HECTD4: variants seen among roughly 807,000 people sequenced by gnomAD.
HECTD4 encodes the protein HECT domain E3 ubiquitin protein ligase 4.
Under a neutral mutation model 471.5 loss-of-function variants are expected in HECTD4, and 114 were observed. The ratio of observed to expected loss-of-function variants is 0.24; its 90% CI spans 0.21 to 0.28. The LOEUF (loss-of-function observed/expected upper bound fraction) is 0.28. Among genes scored for constraint, HECTD4 ranks in the 10% least tolerant of loss-of-function variants. HECTD4 has a pLI of 1.00. For synonymous variants in HECTD4, 2,012 were observed against 2,256.0 expected (o/e 0.89, Z 3.07); for missense variants, 3,866 against 5,651.5 (o/e 0.68, Z 10.13).
intron 52 of HECTD4, among the ~76,000 whole-genome samples, chr12:112,207,625 T>A (rs1303337190): frequency 3.4e-5 from 5 of 147,920 alleles, no homozygotes; most frequent in African/African-American, 1.3e-4. Context: ...GACCACAGAG[T>A]TTCCCAGTAT....
Position 112,172,009 on chromosome 12 carries a change from T to G in HECTD4, c.11785+662A>C, listed in dbSNP as rs531990888. 4.4e-4 allele frequency among the ~76,000 whole-genome samples: 67 copies of G among 152,344 alleles called. 1 individual carries two copies. The highest frequency in any genetic ancestry group is 3.4e-3 in the Middle Eastern group (1 of 294). ...ACCTCCACCTCCCGGGTTCAAGCGA[T>G]TCTCCTGCCTCAGCCTCCCAAGTAG... is the stretch of plus-strand genomic sequence containing the variant. On this transcript the variant is annotated intron_variant, in intron 67 of 75. Coordinates refer to ENST00000682272, the MANE Select transcript of HECTD4 (RefSeq NM_001388303.1).
At position 112,319,380 on chromosome 12, in the gene HECTD4, C is replaced by A; in HGVS notation, c.540G>T (p.Gln180His). 6.5e-7 allele frequency: 1 copy of A among 1,536,134 alleles called. No homozygotes were observed. Among genetic ancestry groups the A allele is most frequent in the Non-Finnish European group, 8.7e-7 (1 of 1,146,910 alleles). Residue 180 changes from glutamine (Q) to histidine (H), a missense_variant, in exon 2 of 76, where the codon CAG becomes CAT. By Grantham distance (24) the Gln-to-His change is conservative. Transcript: ENST00000682272. The surrounding 1 kb of genome is among the most constrained non-coding windows in gnomAD (Gnocchi z 5.3). ...CAGGCTCCTTGGTCAAGCTCAAAGG[C>A]TGGCAGTCACGAAGGCAGTTCAATA... ...EVLLNCLRDC[Q>H]PLSLTKEPAD...
At chr12:112,326,164 G>A (rs2035739641) in intron 1 of HECTD4, among the ~76,000 whole-genome samples, 1 of 152,122 alleles carries the variant, frequency 6.6e-6, no homozygotes, top group African/African-American at 2.4e-5. Context: ...ATTCTTTGCT[G>A]GCCAAATCTG....
At chr12:112,268,194 C>A (rs966190717) in intron 13 of HECTD4, among the ~76,000 whole-genome samples, 1 of 152,108 alleles carries the variant, frequency 6.6e-6, no homozygotes, top group Non-Finnish European at 1.5e-5. Flanking sequence ...TCTGATAAGT[C>A]TGACATATGT....
At chr12:112,293,495 T>C (rs1208770481) in intron 7 of HECTD4, among the ~76,000 whole-genome samples, 1 of 151,918 alleles carries the variant, frequency 6.6e-6, no homozygotes, top group Non-Finnish European at 1.5e-5. Context: ...TGAGCCGAGA[T>C]CGTGCCACTG....
chr12:112,203,683 T>C lies in HECTD4; in HGVS notation c.8359A>G (p.Met2787Val), dbSNP rs1325523457. 6 of 1,613,396 alleles carry C rather than the reference T, an allele frequency of 3.7e-6. No individual in the cohort carries two copies. Among genetic ancestry groups the C allele is most frequent in the Non-Finnish European group, 1.7e-6 (2 of 1,179,700 alleles). ...CCATGAAGCCCAAAGGTTTTCAGCA[T>C]CCCTCGGATGGCAAATTTTGGCAGA... ...TALPKFAIRG[M>V]LKTFGLHGVV... The change falls in exon 54 of 76, where the codon ATG becomes GTG. Residue 2787 changes from methionine to valine, a missense_variant. By Grantham distance (21) the Met-to-Val change is conservative. Around this residue, in one of 16 missense-constraint regions of HECTD4, gnomAD observed 266 missense variants for 441.6 expected, o/e 0.60. Coordinates refer to ENST00000682272, the MANE Select transcript of HECTD4 (RefSeq NM_001388303.1).
In HECTD4 at chr12:112,184,513, C is replaced by G. The variant is rs1207875442; in HGVS notation, c.10453G>C (p.Ala3485Pro). 1 of 1,611,156 alleles carries G rather than the reference C, an allele frequency of 6.2e-7. No homozygotes were observed. Among genetic ancestry groups the G allele is most frequent in the Admixed American group, 1.7e-5 (1 of 59,936 alleles). ...GAGGCCTGGCTGGTGGAGGCGGAGG[C>G]GCTGATGCTCATGGCGGGGGTCAGG... ...SSLTPAMSISASASTSQASIC... is the reference protein window; with the variant it reads ...SSLTPAMSISPSASTSQASIC... Residue 3485 changes from alanine to proline, a missense_variant, in exon 61 of 76, where the codon GCC (alanine) becomes CCC (proline). Ala to Pro is a conservative substitution (Grantham distance 27, BLOSUM62 -1). Transcript: ENST00000682272. The surrounding 1 kb of genome is among the most constrained non-coding windows in gnomAD (Gnocchi z 9.1).
At position 112,171,417 on chromosome 12, in the gene HECTD4, A is replaced by G. The variant is rs79652623; in HGVS notation, c.11786-154T>C. 3.0e-3 allele frequency: 3,727 copies of G among 1,222,554 alleles called. 99 individuals are homozygous for G. The African/African-American group carries it at 0.052, about 17-fold the overall frequency. The allele number at this position is 1,222,554 out of a possible 1,614,324, so 75.7% of individuals were successfully genotyped here. A position where few individuals can be genotyped will look rare whatever the true frequency, so the allele number is the denominator to read the frequency against. On this transcript the variant is annotated intron_variant, in intron 67 of 75. Transcript: ENST00000682272. Reference sequence around the variant, plus strand: ...GCTGTCAGTGAGTGAGCGGCCCCCAATGTGCCTGTGCCTATGCCAAGCAGA... The same window carrying G: ...GCTGTCAGTGAGTGAGCGGCCCCCAGTGTGCCTGTGCCTATGCCAAGCAGA...
At chr12:112,371,661 C>T (rs1236621662) in intron 1 of HECTD4, among the ~76,000 whole-genome samples, 1 of 151,296 alleles carries the variant, frequency 6.6e-6, no homozygotes, top group Non-Finnish European at 1.5e-5. Flanking sequence ...CCAAGGCAAG[C>T]GAGTCATCTG....
chr12:112,165,478 A>T (rs372478301), intron 72 of HECTD4, among the ~76,000 whole-genome samples: 7 of 151,026 alleles, frequency 4.6e-5, no homozygotes, highest in Admixed American at 4.0e-4. Flanking sequence ...CAGCCTCCCA[A>T]GTAGCTGGGA....
intron 44 of HECTD4, among the ~76,000 whole-genome samples, chr12:112,223,489 A>C (rs2033152930): frequency 6.6e-6 from 1 of 152,018 alleles, no homozygotes; most frequent in Non-Finnish European, 1.5e-5. Context: ...GCACGATCTC[A>C]GCTCATGGCA....
rs1443243201 is a variant in HECTD4 at position 112,256,691 on chromosome 12, G to T, written c.3129-173C>A. The T allele has an allele frequency of 9.9e-6, 4 of 404,790 alleles. No individual in the cohort carries two copies. In the East Asian group the frequency reaches 1.5e-4, roughly 15 times the overall value. 25.1% of individuals were successfully genotyped at this position (404,790 alleles called of 1,614,324 possible). ...ATTTTAAAAATTCCTACATTTAAGG[G>T]TTTTTTCTTTCCTTGTTGTCAGATA... On this transcript the variant is annotated intron_variant, in intron 20 of 75. Transcript: ENST00000682272.
intron 67 of HECTD4, 57 bp downstream of exon 67, chr12:112,172,613 GT>G (rs201883151): frequency 0.014 from 21,424 of 1,546,742 alleles, 192 homozygotes; most frequent in Middle Eastern, 0.027. Context: ...AATGCCCCTT[GT>G]CATGGGGCAT....
intron 43 of HECTD4, 134 bp downstream of exon 43, chr12:112,227,955 T>C (rs2033283843): frequency 1.3e-6 from 1 of 751,010 alleles, no homozygotes; most frequent in Admixed American, 3.0e-5. Context: ...AAAGAATGGT[T>C]ACTGTTGCTC....
chr12:112,328,318 T>G (rs1056643460), intron 1 of HECTD4, among the ~76,000 whole-genome samples: 2 of 151,862 alleles, frequency 1.3e-5, no homozygotes, highest in African/African-American at 4.8e-5. Flanking sequence ...TAAACATTTT[T>G]TAGAGGTGGG....
chr12:112,224,488 C>T (rs1404603501), intron 44 of HECTD4, among the ~76,000 whole-genome samples: 2 of 151,930 alleles, frequency 1.3e-5, no homozygotes, highest in African/African-American at 4.8e-5. Context: ...GGATGGTCTC[C>T]ATCTCCTGAC....
chr12:112,276,309 G>C (rs555496730), intron 9 of HECTD4, among the ~76,000 whole-genome samples: 1 of 151,834 alleles, frequency 6.6e-6, no homozygotes, highest in Admixed American at 6.6e-5. Context: ...AATTTCAACT[G>C]AGCAAAAAAG....
Position 112,319,326 on chromosome 12 carries a change from C to T in HECTD4, c.594G>A (p.Leu198=). Residue 198 remains leucine, a synonymous_variant, in exon 2 of 76, where the codon TTG becomes TTA. Transcript: ENST00000682272. This position sits in a 1 kb window ranked among gnomAD's most constrained non-coding sequence, Gnocchi z 5.3. ...AAGTCTCCTCTAGCCAAGAGCACAG[C>T]AAAGTTTCAATTCCATTGAGACAGT... ...PADCLNGIET[L]LCSWLEETSD... is the part of the protein sequence containing the mutation. The T allele has an allele frequency of 6.5e-7, 1 of 1,536,142 alleles. No individual in the cohort carries two copies. The highest frequency in any genetic ancestry group is 8.7e-7 in the Non-Finnish European group (1 of 1,146,898).
intron 2 of HECTD4, among the ~76,000 whole-genome samples, chr12:112,315,858 T>C (rs1450273829): frequency 7.4e-6 from 1 of 135,470 alleles, no homozygotes; most frequent in Non-Finnish European, 1.5e-5. Flanking sequence ...ATCACACCAC[T>C]GCACTCCAGC....
Sources: gnomAD v4.1 joint callset for allele counts (sites outside exome capture counted in the v4.1 genomes callset) on GRCh38, gnomAD v4.1.1 for gene constraint, gnomAD v4.1.1 regional missense constraint, Gnocchi (gnomAD v3.1) non-coding constraint, MANE v1.5 for transcripts, NCBI Gene and HGNC (gene_info 2026-07-23, HGNC 2026-07-21) for gene names.